The following SPTLC3 variants were observed in gnomAD, a reference collection of about 807,000 sequenced individuals.
SPTLC3 encodes serine palmitoyltransferase 3.
In SPTLC3, 36 loss-of-function variants were observed where a neutral mutation model predicts 59.3. The ratio of observed to expected loss-of-function variants is 0.61; its 90% confidence interval spans 0.47 to 0.80. The LOEUF (loss-of-function observed/expected upper bound fraction) is 0.80, where lower values mean the gene tolerates loss of function less well. Among genes scored for constraint, SPTLC3 ranks in the 30% least tolerant of loss-of-function variants. SPTLC3 has a pLI of 0.00. For synonymous variants in SPTLC3, 257 were observed against 240.8 expected, an observed-to-expected ratio of 1.07 and a Z score of -0.62; for missense variants, 625 against 685.1, an observed-to-expected ratio of 0.91 and a Z score of 0.98.
At chr20:13,067,044 CATATATATATATATAT>C (rs143918659) in intron 2 of SPTLC3, among the ~76,000 whole-genome samples, 5 of 71,136 alleles carry the variant, frequency 7.0e-5, no homozygotes, top group South Asian at 6.2e-4. Flanking sequence ...GTCACTTCTA[CATATATATATATATAT>C]ATATATATAT....
At chr20:13,067,984 A>G (rs1255813379) in intron 2 of SPTLC3, among the ~76,000 whole-genome samples, 3 of 152,202 alleles carry the variant, frequency 2.0e-5, no homozygotes, top group Non-Finnish European at 4.4e-5. Flanking sequence ...TTTCACTTTC[A>G]TACAAGCATC....
chr20:13,052,055 A>G (rs1296217779), intron 2 of SPTLC3, among the ~76,000 whole-genome samples: 2 of 152,144 alleles, frequency 1.3e-5, no homozygotes, highest in East Asian at 3.9e-4. Flanking sequence ...ACCCAGCAGA[A>G]GAAAGGAAAT....
At chr20:13,059,671 GT>G (rs1006287601) in intron 2 of SPTLC3, among the ~76,000 whole-genome samples, 13 of 152,124 alleles carry the variant, frequency 8.5e-5, no homozygotes, top group African/African-American at 3.1e-4. Flanking sequence ...CATTGTAGCT[GT>G]TCTGCCCCAC....
chr20:13,164,306 AGAG>A, intron 11 of SPTLC3: 1 of 471,028 alleles, frequency 2.1e-6, no homozygotes, highest in South Asian at 1.6e-5. Flanking sequence ...ATGAGAGGAC[AGAG>A]GATGATGTTA....
At chr20:13,087,200 T>C (rs1004172030) in intron 4 of SPTLC3, among the ~76,000 whole-genome samples, 1 of 152,204 alleles carries the variant, frequency 6.6e-6, no homozygotes, top group Non-Finnish European at 1.5e-5. Context: ...CTGGCTGTTT[T>C]ATTGCGTGAC....
intron 1 of SPTLC3, among the ~76,000 whole-genome samples, chr20:13,037,772 G>A (rs1354232544): frequency 6.6e-6 from 1 of 152,134 alleles, no homozygotes; most frequent in African/African-American, 2.4e-5. Flanking sequence ...AAAGCCATAA[G>A]TCTCACTAGC....
rs1325072193 is a variant in SPTLC3, at chr20:13,166,057, G to A, written c.*1190G>A. On this transcript the variant is annotated 3_prime_UTR_variant, in exon 12 of 12. Transcript: ENST00000399002. ...CTAGTTTGTATGGAAAAAGCCCATGGAGAACCTTATCTTTAACAAGCTCCC... is the reference window on the plus strand; with the variant it reads ...CTAGTTTGTATGGAAAAAGCCCATGAAGAACCTTATCTTTAACAAGCTCCC... 6.6e-6 allele frequency: 1 copy of A among 152,592 alleles called. No individual in the cohort carries two copies. The highest frequency in any genetic ancestry group is 2.4e-5 in the African/African-American group (1 of 41,434). The allele number at this position is 152,592 out of a possible 1,614,324, so 9.5% of individuals were successfully genotyped here.
chr20:13,045,327 CA>C (rs1185139498), intron 1 of SPTLC3, among the ~76,000 whole-genome samples: 1 of 152,102 alleles, frequency 6.6e-6, no homozygotes, highest in African/African-American at 2.4e-5. Context: ...TAGAACAAGC[CA>C]AAGTGTATTA....
intron 1 of SPTLC3, among the ~76,000 whole-genome samples, chr20:13,029,992 C>T (rs1304511294): frequency 6.6e-6 from 1 of 152,084 alleles, no homozygotes; most frequent in Non-Finnish European, 1.5e-5. Flanking sequence ...TTGGGTGGGA[C>T]CTAGGTATAG....
At chr20:13,052,913 C>T (rs2122510310) in intron 2 of SPTLC3, among the ~76,000 whole-genome samples, 1 of 152,312 alleles carries the variant, frequency 6.6e-6, no homozygotes, top group Non-Finnish European at 1.5e-5. Flanking sequence ...ATAGATGGAA[C>T]TCCCATCTCC....
At chr20:13,121,888 T>A (rs2037875406) in intron 8 of SPTLC3, among the ~76,000 whole-genome samples, 1 of 152,216 alleles carries the variant, frequency 6.6e-6, no homozygotes, top group East Asian at 1.9e-4. Flanking sequence ...ATGAGGTATT[T>A]ATTCAAACTA....
chr20:13,115,564 T>G (rs1163051606), intron 7 of SPTLC3, among the ~76,000 whole-genome samples: 1 of 152,138 alleles, frequency 6.6e-6, no homozygotes, highest in Non-Finnish European at 1.5e-5. Context: ...GTTACCAACT[T>G]ATAACATTTT....
chr20:13,084,078 C>T (rs1252882121), intron 4 of SPTLC3, among the ~76,000 whole-genome samples: 9 of 152,212 alleles, frequency 5.9e-5, no homozygotes, highest in East Asian at 1.9e-4. Flanking sequence ...CTCTCTGCTT[C>T]GCATACCTTG....
intron 7 of SPTLC3, among the ~76,000 whole-genome samples, chr20:13,112,960 A>G (rs796709364): frequency 4.1e-4 from 63 of 152,256 alleles, no homozygotes; most frequent in African/African-American, 1.5e-3. Flanking sequence ...AGGCAGGTGG[A>G]TTACTTGAGG....
chr20:13,023,061 A>C (rs1568566993), intron 1 of SPTLC3, among the ~76,000 whole-genome samples: 1 of 151,270 alleles, frequency 6.6e-6, no homozygotes, highest in Non-Finnish European at 1.5e-5. Context: ...TTGCATTTGC[A>C]CTCCTCATCC....
intron 9 of SPTLC3, among the ~76,000 whole-genome samples, chr20:13,131,918 C>A (rs571678674): frequency 1.6e-3 from 245 of 152,238 alleles, no homozygotes; most frequent in Non-Finnish European, 2.1e-3. Context: ...CCTCCATATA[C>A]CCTGCCACCC....
intron 1 of SPTLC3, among the ~76,000 whole-genome samples, chr20:13,048,258 C>T (rs1987318359): frequency 6.6e-6 from 1 of 152,118 alleles, no homozygotes; most frequent in African/African-American, 2.4e-5. Flanking sequence ...TGTCTTTCAC[C>T]TGGTTTTTCA....
At chr20:13,036,964 T>C (rs1320895656) in intron 1 of SPTLC3, among the ~76,000 whole-genome samples, 2 of 152,128 alleles carry the variant, frequency 1.3e-5, no homozygotes, top group Non-Finnish European at 2.9e-5. Context: ...TATTGGGTAG[T>C]CCTTGGCTTT....
At chr20:13,069,858 C>G (rs956542942) in intron 2 of SPTLC3, among the ~76,000 whole-genome samples, 3 of 152,154 alleles carry the variant, frequency 2.0e-5, no homozygotes, top group Non-Finnish European at 4.4e-5. Flanking sequence ...CCTCATAAAA[C>G]CTAAAATTAT....
Sources: gnomAD v4.1 joint callset for allele counts (sites outside exome capture counted in the v4.1 genomes callset) on GRCh38, gnomAD v4.1.1 for gene constraint, MANE v1.5 for transcripts, NCBI Gene and HGNC (gene_info 2026-07-23, HGNC 2026-07-21) for gene names.